CELF2: variants seen among roughly 807,000 people sequenced by gnomAD.
CELF2 encodes the protein CUGBP Elav-like family member 2, also known as CUG triplet repeat RNA-binding protein 2.
In CELF2, 8 loss-of-function variants were observed where a neutral mutation model predicts 62.6. The observed-to-expected ratio is 0.13, with a 90% confidence interval of 0.07 to 0.23. The LOEUF is 0.23. Among genes scored for constraint, CELF2 ranks in the 10% least tolerant of loss-of-function variants. CELF2 has a pLI of 1.00. For synonymous variants in CELF2, 258 were observed against 250.0 expected (o/e 1.03, Z -0.30); for missense variants, 333 against 671.0 (o/e 0.50, Z 5.56).
At chr10:11,180,531 C>T (rs753377819) in intron 2 of CELF2, among the ~76,000 whole-genome samples, 3 of 152,156 alleles carry the variant, frequency 2.0e-5, no homozygotes, top group African/African-American at 4.8e-5. Context: ...AACCCAAGTC[C>T]GGAAACATGA....
the CELF2 span, among the ~76,000 whole-genome samples, chr10:10,506,069 G>A: frequency 8.9e-5 from 12 of 134,700 alleles, no homozygotes; most frequent in South Asian, 4.8e-4. Context: ...AGCAGAAGTC[G>A]GTATTCTCTC....
intron 11 of CELF2, among the ~76,000 whole-genome samples, chr10:11,323,581 G>A (rs1482813944): frequency 6.6e-6 from 1 of 152,054 alleles, no homozygotes; most frequent in Non-Finnish European, 1.5e-5. Context: ...TGCAGGAGGC[G>A]AGTCCCATGA....
the CELF2 span, among the ~76,000 whole-genome samples, chr10:10,520,532 C>T: frequency 1.3e-5 from 2 of 152,112 alleles, no homozygotes; most frequent in Non-Finnish European, 2.9e-5. Context: ...GCAAAACCCA[C>T]GCTGAGCTTT....
chr10:11,281,272 G>C (rs1285979313), intron 8 of CELF2, among the ~76,000 whole-genome samples: 5 of 152,158 alleles, frequency 3.3e-5, no homozygotes, highest in Non-Finnish European at 5.9e-5. Context: ...GTCAGAGTTT[G>C]TGGAGACCCT....
At chr10:10,921,087 T>C (rs1176661763) in intron 2 of CELF2, among the ~76,000 whole-genome samples, 1 of 151,868 alleles carries the variant, frequency 6.6e-6, no homozygotes, top group Non-Finnish European at 1.5e-5. Flanking sequence ...TCTGGGTAGC[T>C]GGGATTACAG....
At chr10:10,734,389 C>G in the CELF2 span, among the ~76,000 whole-genome samples, 1 of 152,076 alleles carries the variant, frequency 6.6e-6, no homozygotes, top group African/African-American at 2.4e-5. Flanking sequence ...ATTTCATATC[C>G]CGTTTTCTCT....
the CELF2 span, among the ~76,000 whole-genome samples, chr10:10,492,997 A>G: frequency 1.3e-5 from 2 of 152,150 alleles, no homozygotes; most frequent in Non-Finnish European, 2.9e-5. Flanking sequence ...CTCCCCACCC[A>G]TGTGGGACTG....
chr10:11,082,292 C>T (rs374921504), intron 1 of CELF2, among the ~76,000 whole-genome samples: 1 of 152,208 alleles, frequency 6.6e-6, no homozygotes, highest in African/African-American at 2.4e-5. Context: ...CACTCAGTTG[C>T]AGCCAACGGT....
chr10:11,175,621 AG>A (rs2070778640), intron 2 of CELF2, among the ~76,000 whole-genome samples: 2 of 152,230 alleles, frequency 1.3e-5, no homozygotes, highest in African/African-American at 4.8e-5. Context: ...AGCAGTCCCC[AG>A]GAGGGGGCCT....
At chr10:11,040,619 T>C (rs1004320456) in intron 1 of CELF2, among the ~76,000 whole-genome samples, 3 of 152,140 alleles carry the variant, frequency 2.0e-5, no homozygotes, top group Non-Finnish European at 4.4e-5. Context: ...GTTCAACAAA[T>C]GCTTTTAAAT....
the CELF2 span, among the ~76,000 whole-genome samples, chr10:10,489,234 C>A: frequency 6.6e-6 from 1 of 151,966 alleles, no homozygotes; most frequent in South Asian, 2.1e-4. Flanking sequence ...AAAAATGAAA[C>A]CTCACTTCTC....
At chr10:10,693,754 C>A in the CELF2 span, among the ~76,000 whole-genome samples, 7 of 151,346 alleles carry the variant, frequency 4.6e-5, no homozygotes, top group East Asian at 9.7e-4. Context: ...GTGTATGTGT[C>A]GAGGAATTTA....
the CELF2 span, among the ~76,000 whole-genome samples, chr10:10,527,480 T>C: frequency 2.0e-5 from 3 of 149,232 alleles, no homozygotes; most frequent in Admixed American, 6.7e-5. Context: ...GGCTATAGAG[T>C]TTAAAAATAA....
the CELF2 span, among the ~76,000 whole-genome samples, chr10:10,641,117 C>T: frequency 6.6e-6 from 1 of 152,156 alleles, no homozygotes; most frequent in Non-Finnish European, 1.5e-5. Flanking sequence ...TATGAAATTT[C>T]AACAGCTTCC....
intron 1 of CELF2, chr10:10,919,900 T>C: frequency 9.4e-7 from 1 of 1,061,722 alleles, no homozygotes; most frequent in Non-Finnish European, 1.2e-6. Context: ...TGTGATTAAA[T>C]ACATTTTCAT....
chr10:10,493,675 G>T, the CELF2 span, among the ~76,000 whole-genome samples: 1 of 151,978 alleles, frequency 6.6e-6, no homozygotes, highest in African/African-American at 2.4e-5. Context: ...GGGATTACAG[G>T]TGCCTGACAC....
the CELF2 span, among the ~76,000 whole-genome samples, chr10:10,489,797 G>C: frequency 6.6e-6 from 1 of 152,016 alleles, no homozygotes; most frequent in African/African-American, 2.4e-5. Context: ...AAGATTTCAG[G>C]TGGAGTTGAC....
the CELF2 span, among the ~76,000 whole-genome samples, chr10:10,532,888 A>AAAG: frequency 2.0e-5 from 3 of 147,328 alleles, no homozygotes; most frequent in African/African-American, 7.5e-5. Context: ...CAAAATCTCA[A>AAAG]AAAAAAAAAA....
the CELF2 span, among the ~76,000 whole-genome samples, chr10:10,691,317 C>A: frequency 1.3e-5 from 2 of 150,810 alleles, no homozygotes; most frequent in Admixed American, 6.6e-5. Context: ...TCATCCATGT[C>A]CCTACAAAGG....
Sources: gnomAD v4.1 joint callset for allele counts (sites outside exome capture counted in the v4.1 genomes callset) on GRCh38, gnomAD v4.1.1 for gene constraint, MANE v1.5 for transcripts, NCBI Gene and HGNC (gene_info 2026-07-23, HGNC 2026-07-21) for gene names.